Variants in OTUD7B observed in about 807,000 individuals in gnomAD.
OTUD7B encodes OTU domain-containing protein 7B.
Under a neutral mutation model 82.2 loss-of-function variants are expected in OTUD7B, and 34 were observed. The ratio of observed to expected loss-of-function variants is 0.41; its 90% CI spans 0.31 to 0.55. OTUD7B has a LOEUF of 0.55. Among genes scored for constraint, OTUD7B ranks in the 20% least tolerant of loss-of-function variants. The pLI is 0.20. For missense variants in OTUD7B, 944 were observed against 1,062.1 expected, an observed-to-expected ratio of 0.89 and a Z score of 1.55; for synonymous variants, 398 against 402.7, an observed-to-expected ratio of 0.99 and a Z score of 0.14.
chr1:150,014,417 T>C (rs1309008468), upstream of OTUD7B, among the ~76,000 whole-genome samples: 1 of 141,820 alleles, frequency 7.1e-6, no homozygotes, highest in South Asian at 2.3e-4. Flanking sequence ...AAAAAAGCTG[T>C]ATGAGGGGAA....
At chr1:149,945,669 C>T (rs146762474) in intron 11 of OTUD7B, among the ~76,000 whole-genome samples, 225 of 152,260 alleles carry the variant, frequency 1.5e-3, no homozygotes, top group African/African-American at 5.1e-3. Context: ...TAAGCTACTC[C>T]GTCTCCTAGT....
chr1:150,027,293 A>G, the OTUD7B span, among the ~76,000 whole-genome samples: 43 of 152,324 alleles, frequency 2.8e-4, no homozygotes, highest in East Asian at 6.6e-3. Flanking sequence ...ATGCAGAAAT[A>G]TAAAAGGTAA....
chr1:149,955,468 G>A (rs1419547909), intron 7 of OTUD7B, among the ~76,000 whole-genome samples: 1 of 152,086 alleles, frequency 6.6e-6, no homozygotes, highest in African/African-American at 2.4e-5. Flanking sequence ...CCAACTATGT[G>A]GTCAATTTTG....
intron 1 of OTUD7B, among the ~76,000 whole-genome samples, chr1:149,982,841 CTTTTTT>C (rs34122678): frequency 3.6e-5 from 3 of 84,176 alleles, no homozygotes; most frequent in Non-Finnish European, 6.0e-5. Flanking sequence ...TCCTCTCTTA[CTTTTTT>C]TTTTTTTTTT....
intron 1 of OTUD7B, among the ~76,000 whole-genome samples, chr1:149,982,549 C>T (rs587648319): frequency 2.4e-4 from 37 of 152,032 alleles, no homozygotes; most frequent in Admixed American, 1.3e-3. Context: ...AACCTCCACC[C>T]CCCAGGCTCA....
In OTUD7B at chr1:149,942,619, C is replaced by G. The variant is rs1413393808; in HGVS notation, c.*1238G>C. ...TATAAATTGCCCCTATATGTTTCAACATCAGTCCTAATATCAAAAATATCT... is the reference window on the plus strand; with the variant it reads ...TATAAATTGCCCCTATATGTTTCAAGATCAGTCCTAATATCAAAAATATCT... On this transcript the variant is annotated 3_prime_UTR_variant, in exon 12 of 12. Transcript: ENST00000581312. 1 of 152,640 alleles carries G rather than the reference C, an allele frequency of 6.6e-6. No homozygotes were observed. Among genetic ancestry groups the G allele is most frequent in the East Asian group, 1.9e-4 (1 of 5,190 alleles). 9.5% of individuals were successfully genotyped at this position (152,640 alleles called of 1,614,324 possible). A position where few individuals can be genotyped will look rare whatever the true frequency, so the allele number is the denominator to read the frequency against.
chr1:149,962,477 G>A (rs1047716262), intron 6 of OTUD7B: 1 of 152,136 alleles, frequency 6.6e-6, no homozygotes, highest in African/African-American at 2.4e-5. Context: ...AACTTTCACT[G>A]TGCTGAGCAA....
At chr1:150,021,652 G>A in the OTUD7B span, among the ~76,000 whole-genome samples, 6 of 152,216 alleles carry the variant, frequency 3.9e-5, no homozygotes, top group African/African-American at 1.4e-4. Flanking sequence ...TGGATTTAAT[G>A]AGAGAAGACA....
the OTUD7B span, among the ~76,000 whole-genome samples, chr1:150,033,644 G>A: frequency 6.6e-6 from 1 of 152,090 alleles, no homozygotes; most frequent in Non-Finnish European, 1.5e-5. Flanking sequence ...AAGCACCGTA[G>A]CAAGCATTTT....
chr1:150,040,194 T>A, the OTUD7B span, among the ~76,000 whole-genome samples: 23,810 of 152,226 alleles, frequency 0.16, 2,043 homozygotes, highest in African/African-American at 0.19. Flanking sequence ...ATTTTATCAA[T>A]AGGGTTTTCA....
chr1:149,996,464 T>C (rs995910409), intron 1 of OTUD7B, among the ~76,000 whole-genome samples: 3 of 152,238 alleles, frequency 2.0e-5, no homozygotes, highest in Non-Finnish European at 4.4e-5. Context: ...AGTGGCATAA[T>C]GTAACAATGG....
chr1:149,944,919 T>C lies in OTUD7B; in HGVS notation c.1470A>G (p.Arg490=). 6.2e-7 allele frequency: 1 copy of C among 1,614,222 alleles called. No homozygotes were observed. Among genetic ancestry groups the C allele is most frequent in the Non-Finnish European group, 8.5e-7 (1 of 1,180,042 alleles). The change falls in exon 12 of 12, where the codon CGA becomes CGG. Residue 490 remains arginine (R), a synonymous_variant. Transcript: ENST00000581312. ...EGGRRKEKSK[R]DREKDKKRAD... ...CTCTCTTCTTGTCCTTCTCCCGATC[T>C]CGCTTTGACTTCTCCTTCCGCCGGC...
At chr1:149,955,894 T>C (rs1648630662) in intron 7 of OTUD7B, among the ~76,000 whole-genome samples, 1 of 152,198 alleles carries the variant, frequency 6.6e-6, no homozygotes, top group East Asian at 1.9e-4. Flanking sequence ...TTGGTAGATC[T>C]TCCTCCATCC....
At position 149,944,211 on chromosome 1, in the gene OTUD7B, T is replaced by C. The variant is rs1553771258; in HGVS notation, c.2178A>G (p.Pro726=). The C allele has an allele frequency of 1.9e-6, 3 of 1,613,348 alleles. No individual in the cohort carries two copies. Among genetic ancestry groups the C allele is most frequent in the Non-Finnish European group, 2.5e-6 (3 of 1,179,598 alleles). Residue 726 remains proline, a synonymous_variant, in exon 12 of 12, where the codon CCA becomes CCG. Transcript: ENST00000581312. ...GGCACTGTCTGGGGAAGGTGGCATA[T>C]GGTGGTAGGCCCCCGACACATGGAC... ...AGGPCVGGLP[P]YATFPRQCPP...
intron 6 of OTUD7B, chr1:149,960,920 CTTCT>C (rs1649107231): frequency 1.6e-5 from 1 of 62,080 alleles, no homozygotes; most frequent in African/African-American, 6.1e-5. Flanking sequence ...ACCTGGATAC[CTTCT>C]TTTTTTTTTT....
At chr1:150,007,772 T>C (rs1467087833) in intron 1 of OTUD7B, among the ~76,000 whole-genome samples, 3 of 152,234 alleles carry the variant, frequency 2.0e-5, no homozygotes, top group Non-Finnish European at 4.4e-5. Context: ...GTATCTATCT[T>C]CCAGTTACAC....
At chr1:150,036,266 T>TTA in the OTUD7B span, among the ~76,000 whole-genome samples, 3 of 149,704 alleles carry the variant, frequency 2.0e-5, no homozygotes, top group Non-Finnish European at 4.5e-5. Flanking sequence ...TTGTAACTTT[T>TTA]TTTTTTTTTT....
the OTUD7B span, among the ~76,000 whole-genome samples, chr1:150,062,339 T>TAA: frequency 1.3e-5 from 2 of 152,256 alleles, no homozygotes; most frequent in East Asian, 3.8e-4. Flanking sequence ...CTTGGTATTA[T>TAA]CAGACATTTT....
At chr1:149,961,526 T>C (rs1405467393) in intron 6 of OTUD7B, 3 of 152,228 alleles carry the variant, frequency 2.0e-5, no homozygotes, top group African/African-American at 4.8e-5. Context: ...CTGGCTAGTT[T>C]TGTATTTTTA....
Sources: allele counts gnomAD v4.1 joint callset (sites outside exome capture counted in the v4.1 genomes callset), GRCh38; gene constraint gnomAD v4.1.1; transcripts MANE v1.5; gene names NCBI Gene and HGNC (gene_info 2026-07-23, HGNC 2026-07-21).